The following TMEM167A variants were observed in gnomAD, a reference collection of about 807,000 sequenced individuals.
The protein encoded by TMEM167A is transmembrane protein 167A.
In TMEM167A, 8 loss-of-function variants were observed where a neutral mutation model predicts 11.6. The ratio of observed to expected loss-of-function variants is 0.69; its 90% CI spans 0.40 to 1.24. The LOEUF (loss-of-function observed/expected upper bound fraction) is 1.24. TMEM167A is among the 50% of genes most tolerant of loss of function. The pLI, the probability that TMEM167A is intolerant of heterozygous loss-of-function variation, is 0.01. For missense variants in TMEM167A, 62 were observed against 87.0 expected, an observed-to-expected ratio of 0.71 and a Z score of 1.14; for synonymous variants, 22 against 28.0, an observed-to-expected ratio of 0.79 and a Z score of 0.67.
chr5:83,057,222 C>T (rs1414770214), intron 3 of TMEM167A, 68 bp from the exon 4 acceptor site: 3 of 1,413,040 alleles, frequency 2.1e-6, no homozygotes, highest in African/African-American at 1.4e-5. Flanking sequence ...CAAGGTTATA[C>T]TACCATAAGA....
At chr5:83,077,034 C>A (rs1744687510) in intron 1 of TMEM167A, among the ~76,000 whole-genome samples, 1 of 152,354 alleles carries the variant, frequency 6.6e-6, no homozygotes, top group East Asian at 1.9e-4. Context: ...GGGTCAATGA[C>A]CACACATAAT....
rs1744291448 is a variant in TMEM167A, at chr5:83,053,770, C to A, written c.*3314G>T. 6.6e-6 allele frequency: 1 copy of A among 152,058 alleles called. No individual in the cohort carries two copies. Among genetic ancestry groups the A allele is most frequent in the East Asian group, 1.9e-4 (1 of 5,196 alleles). The allele number at this position is 152,058 out of a possible 1,614,324, so 9.4% of individuals were successfully genotyped here. A position where few individuals can be genotyped will look rare whatever the true frequency, so the allele number is the denominator to read the frequency against. On this transcript the variant is annotated 3_prime_UTR_variant, in exon 4 of 4. Transcript: ENST00000502346. ...ACAATGCTCTCAAGTTCAGCTTAAGCAGTGCTCCTCTGGAAGTTCACACCC... is the reference window on the plus strand; with the variant it reads ...ACAATGCTCTCAAGTTCAGCTTAAGAAGTGCTCCTCTGGAAGTTCACACCC...
chr5:83,065,229 C>A (rs921717400), intron 1 of TMEM167A, 112 bp from the exon 2 acceptor site: 13 of 666,480 alleles, frequency 2.0e-5, no homozygotes, highest in Non-Finnish European at 3.0e-5. Context: ...AGAAGGCAAG[C>A]AGAATGACAA....
intron 3 of TMEM167A, among the ~76,000 whole-genome samples, chr5:83,060,057 C>A (rs1001083680): frequency 6.7e-6 from 1 of 149,546 alleles, no homozygotes; most frequent in Non-Finnish European, 1.5e-5. Context: ...CCATTGAGTA[C>A]CTGACTTCAA....
intron 3 of TMEM167A, among the ~76,000 whole-genome samples, chr5:83,057,972 C>T (rs1379628740): frequency 6.6e-6 from 1 of 152,092 alleles, no homozygotes; most frequent in Non-Finnish European, 1.5e-5. Flanking sequence ...AAGCACCAGA[C>T]ATTTCTATGC....
rs1044723489 is a variant in TMEM167A at position 83,055,768 on chromosome 5, G to T, written c.*1316C>A. 1 of 149,234 alleles carries T rather than the reference G, an allele frequency of 6.7e-6. No individual in the cohort carries two copies. The highest frequency in any genetic ancestry group is 1.5e-5 in the Non-Finnish European group (1 of 67,306). The allele number at this position is 149,234 out of a possible 1,614,324, so 9.2% of individuals were successfully genotyped here. Reference sequence around the variant, plus strand: ...GCTTTCAGTTCCATACGTTGTTTCTGCAGAAATAACTACTAGCCTATTAAT... The same window carrying T: ...GCTTTCAGTTCCATACGTTGTTTCTTCAGAAATAACTACTAGCCTATTAAT... On this transcript the variant is annotated 3_prime_UTR_variant, in exon 4 of 4. Coordinates refer to ENST00000502346, the MANE Select transcript of TMEM167A (RefSeq NM_174909.5).
chr5:83,066,166 T>C (rs1744478569), intron 1 of TMEM167A, among the ~76,000 whole-genome samples: 1 of 152,174 alleles, frequency 6.6e-6, no homozygotes, highest in Admixed American at 6.6e-5. Flanking sequence ...GCAAGAATAT[T>C]ACTGTGTATA....
chr5:83,077,221 G>A (rs1744695498), intron 1 of TMEM167A, 100 bp downstream of exon 1: 14 of 1,570,160 alleles, frequency 8.9e-6, no homozygotes, highest in Non-Finnish European at 1.1e-5. Context: ...TCTCAGCTCC[G>A]GGCCCACACA....
intron 1 of TMEM167A, among the ~76,000 whole-genome samples, chr5:83,073,954 C>T (rs963277313): frequency 1.3e-5 from 2 of 152,210 alleles, no homozygotes; most frequent in Non-Finnish European, 2.9e-5. Context: ...AACTACAGCA[C>T]TTGTTTTCAA....
In TMEM167A at chr5:83,065,121, A is replaced by AAT; in HGVS notation, c.4-5_4-4insAT. 6.5e-7 allele frequency: 1 copy of AAT among 1,531,964 alleles called. No individual in the cohort carries two copies. Among genetic ancestry groups the AAT allele is most frequent in the Non-Finnish European group, 8.8e-7 (1 of 1,133,432 alleles). 94.9% of individuals were successfully genotyped at this position (1,531,964 alleles called of 1,614,324 possible). On this transcript the variant is annotated splice_polypyrimidine_tract_variant and splice_region_variant and intron_variant, in intron 1 of 3. Coordinates refer to ENST00000502346, the MANE Select transcript of TMEM167A (RefSeq NM_174909.5). ...TCTGAAAATTGAAAATGGCAGACTA[A>AAT]AAAGAAAAAAAAAAAAGAAAAATTA...
At chr5:83,068,651 T>C (rs904965728) in intron 1 of TMEM167A, among the ~76,000 whole-genome samples, 51 of 151,962 alleles carry the variant, frequency 3.4e-4, no homozygotes, top group African/African-American at 1.1e-3. Context: ...AAAAAAAATG[T>C]GGGAAAAAAA....
Position 83,056,919 on chromosome 5 carries a change from A to G in TMEM167A, c.*165T>C. On this transcript the variant is annotated 3_prime_UTR_variant, in exon 4 of 4. Transcript: ENST00000502346. ...AAATGGTTACATCTTAATTGTTTAT[A>G]CAGAACATTGGTCCAATAACATTAA... 1 of 681,948 alleles carries G rather than the reference A, an allele frequency of 1.5e-6. No homozygotes were observed. Among genetic ancestry groups the G allele is most frequent in the Non-Finnish European group, 2.6e-6 (1 of 386,350 alleles). 42.2% of individuals were successfully genotyped at this position (681,948 alleles called of 1,614,324 possible).
At chr5:83,064,987 T>G (rs550432374) in intron 2 of TMEM167A, 21 bp downstream of exon 2, 2 of 1,406,518 alleles carry the variant, frequency 1.4e-6, no homozygotes, top group East Asian at 2.3e-5. Context: ...TTTGGGTGAT[T>G]AGACATCATT....
intron 1 of TMEM167A, among the ~76,000 whole-genome samples, chr5:83,068,595 T>C (rs1230795927): frequency 2.0e-5 from 3 of 151,666 alleles, no homozygotes; most frequent in African/African-American, 7.3e-5. Context: ...AGTCAAACCT[T>C]GAAAGGGCAC....
intron 1 of TMEM167A, among the ~76,000 whole-genome samples, 185 bp from the exon 2 acceptor site, chr5:83,065,302 C>T (rs1394856833): frequency 6.6e-6 from 1 of 151,922 alleles, no homozygotes; most frequent in African/African-American, 2.4e-5. Context: ...CTGCCAATAG[C>T]TGGTTTTATG....
chr5:83,060,302 A>G (rs552776832), intron 3 of TMEM167A, among the ~76,000 whole-genome samples: 1 of 152,050 alleles, frequency 6.6e-6, no homozygotes, highest in Non-Finnish European at 1.5e-5. Context: ...CGTAGAAAAA[A>G]TATTTTTCAT....
intron 3 of TMEM167A, among the ~76,000 whole-genome samples, chr5:83,058,756 T>G (rs1373224572): frequency 6.6e-6 from 1 of 152,100 alleles, no homozygotes; most frequent in African/African-American, 2.4e-5. Flanking sequence ...ATCATTTACA[T>G]GTGGATTTAA....
chr5:83,077,208 G>A (rs1295390000), intron 1 of TMEM167A, 113 bp downstream of exon 1: 2 of 1,490,894 alleles, frequency 1.3e-6, no homozygotes, highest in Non-Finnish European at 1.9e-6. Context: ...TGGCTCCAAG[G>A]CCTCTCAGCT....
At chr5:83,070,244 G>T (rs910922680) in intron 1 of TMEM167A, among the ~76,000 whole-genome samples, 5 of 152,118 alleles carry the variant, frequency 3.3e-5, no homozygotes, top group Admixed American at 2.6e-4. Flanking sequence ...GTACGACTGA[G>T]TACGCAGGTT....
Sources: gnomAD v4.1 joint callset for allele counts (sites outside exome capture counted in the v4.1 genomes callset) on GRCh38, gnomAD v4.1.1 for gene constraint, MANE v1.5 for transcripts, NCBI Gene and HGNC (gene_info 2026-07-23, HGNC 2026-07-21) for gene names.